The following FBXW10B variants were observed in gnomAD, a reference collection of about 807,000 sequenced individuals.
FBXW10B encodes F-box and WD repeat domain containing protein 10B.
chr17:15,597,407 T>C, the FBXW10B span, among the ~76,000 whole-genome samples: 15 of 149,712 alleles, frequency 1.0e-4, no homozygotes, highest in East Asian at 9.9e-4. Flanking sequence ...GCGGGTGGAT[T>C]ACCAGGTCAG....
chr17:15,585,839 CT>C, the FBXW10B span, among the ~76,000 whole-genome samples: 1 of 152,226 alleles, frequency 6.6e-6, no homozygotes, highest in Non-Finnish European at 1.5e-5. Context: ...TTTTCTTTGA[CT>C]GGACCACTCC....
At chr17:15,589,213 T>C in the FBXW10B span, 1 of 1,613,788 alleles carries the variant, frequency 6.2e-7, no homozygotes, top group Non-Finnish European at 8.5e-7. Flanking sequence ...TGTGCTGATG[T>C]GGCAGACTGA....
chr17:15,619,531 T>C, the FBXW10B span: 103 of 1,609,236 alleles, frequency 6.4e-5, 1 homozygote, highest in East Asian at 1.6e-4. Flanking sequence ...GATAACCAGT[T>C]CATTTTAGCC....
At chr17:15,608,162 ATTTTT>A in the FBXW10B span, among the ~76,000 whole-genome samples, 15 of 131,832 alleles carry the variant, frequency 1.1e-4, no homozygotes, top group Admixed American at 7.3e-4. Context: ...ATGCATTTGC[ATTTTT>A]TTTTTTTTTT....
the FBXW10B span, among the ~76,000 whole-genome samples, chr17:15,614,474 G>GT: frequency 6.6e-6 from 1 of 152,030 alleles, no homozygotes; most frequent in African/African-American, 2.4e-5. Flanking sequence ...GATTACAGGC[G>GT]TGAGGCACTG....
chr17:15,608,917 G>A, the FBXW10B span, among the ~76,000 whole-genome samples: 4,403 of 152,204 alleles, frequency 0.029, 132 homozygotes, highest in East Asian at 0.13. Context: ...TGACAGGGGC[G>A]CTTTCATTTG....
the FBXW10B span, among the ~76,000 whole-genome samples, chr17:15,591,098 G>A: frequency 4.9e-3 from 666 of 136,260 alleles, 2 homozygotes; most frequent in African/African-American, 0.021. Context: ...GAGGGCTAGA[G>A]GCCCTTGTCA....
At chr17:15,574,730 T>C in the FBXW10B span, among the ~76,000 whole-genome samples, 1 of 146,994 alleles carries the variant, frequency 6.8e-6, no homozygotes, top group Admixed American at 6.7e-5. Context: ...TGCTGTCAGC[T>C]TCTCACCACG....
At chr17:15,594,009 T>C in the FBXW10B span, among the ~76,000 whole-genome samples, 2 of 152,138 alleles carry the variant, frequency 1.3e-5, no homozygotes, top group Admixed American at 6.5e-5. Context: ...CTACTTTCCC[T>C]GCAATTAGGT....
the FBXW10B span, among the ~76,000 whole-genome samples, chr17:15,609,423 G>A: frequency 2.6e-5 from 4 of 152,058 alleles, no homozygotes; most frequent in South Asian, 2.1e-4. Context: ...AAATAATGCC[G>A]CCCTGGATTC....
the FBXW10B span, among the ~76,000 whole-genome samples, chr17:15,616,650 A>G: frequency 1.3e-5 from 2 of 151,624 alleles, no homozygotes; most frequent in African/African-American, 4.8e-5. Context: ...TAGAAATACA[A>G]AAAAAATTAG....
chr17:15,615,564 C>T, the FBXW10B span: 10 of 1,578,176 alleles, frequency 6.3e-6, no homozygotes, highest in Admixed American at 1.1e-4. Flanking sequence ...CTGCTTGCCT[C>T]GGCCTCCCAA....
At chr17:15,589,218 G>A in the FBXW10B span, 1 of 1,613,884 alleles carries the variant, frequency 6.2e-7, no homozygotes, top group Non-Finnish European at 8.5e-7. Flanking sequence ...TGATGTGGCA[G>A]ACTGAAATTC....
chr17:15,594,162 G>T, the FBXW10B span, among the ~76,000 whole-genome samples: 1 of 151,970 alleles, frequency 6.6e-6, no homozygotes. Context: ...ATTATTTAAT[G>T]TTTTGATTCT....
chr17:15,578,637 G>A, the FBXW10B span, among the ~76,000 whole-genome samples: 1 of 152,092 alleles, frequency 6.6e-6, no homozygotes, highest in African/African-American at 2.4e-5. Flanking sequence ...GAGGGATTCG[G>A]TAGTTGGTCC....
the FBXW10B span, among the ~76,000 whole-genome samples, chr17:15,608,517 G>A: frequency 6.6e-6 from 1 of 151,070 alleles, no homozygotes; most frequent in Admixed American, 6.6e-5. Context: ...GCAATGGCAT[G>A]ATCTTGGCTC....
the FBXW10B span, among the ~76,000 whole-genome samples, chr17:15,570,522 A>C: frequency 6.6e-6 from 1 of 152,196 alleles, no homozygotes; most frequent in Non-Finnish European, 1.5e-5. Flanking sequence ...AAATGTACAG[A>C]CCAGACTACA....
At chr17:15,602,665 C>T in the FBXW10B span, among the ~76,000 whole-genome samples, 1 of 87,366 alleles carries the variant, frequency 1.1e-5, no homozygotes, top group Non-Finnish European at 1.9e-5. Context: ...GTCTCGCTGT[C>T]GCCCAGGCTG....
the FBXW10B span, among the ~76,000 whole-genome samples, chr17:15,604,202 C>T: frequency 6.6e-6 from 1 of 151,820 alleles, no homozygotes; most frequent in Non-Finnish European, 1.5e-5. Context: ...TAATTACTGC[C>T]ACCTGCATCA....
Sources: gnomAD v4.1 joint callset for allele counts (sites outside exome capture counted in the v4.1 genomes callset) on GRCh38, gnomAD v4.1.1 for gene constraint, MANE v1.5 for transcripts, NCBI Gene and HGNC (gene_info 2026-07-23, HGNC 2026-07-21) for gene names.